Variants in LMBR1 observed in about 807,000 individuals in gnomAD.
The protein encoded by LMBR1 is limb region 1 protein homolog.
In LMBR1, 52 loss-of-function variants were observed where a neutral mutation model predicts 73.9. The ratio of observed to expected loss-of-function variants is 0.70; its 90% CI spans 0.56 to 0.89. The LOEUF is 0.89. Ranked by LOEUF, LMBR1 falls within the 40% of genes least tolerant of loss-of-function variation. LMBR1 has a pLI of 0.00. For missense variants in LMBR1, 539 were observed against 579.8 expected, an observed-to-expected ratio of 0.93 and a Z score of 0.72; for synonymous variants, 215 against 209.4, an observed-to-expected ratio of 1.03 and a Z score of -0.23.
At chr7:156,720,371 G>T (rs544300385) in intron 15 of LMBR1, among the ~76,000 whole-genome samples, 1 of 152,160 alleles carries the variant, frequency 6.6e-6, no homozygotes, top group South Asian at 2.1e-4. Context: ...ATATCAACAG[G>T]TGACTAAATT....
Position 156,683,903 on chromosome 7 carries a change from A to T in LMBR1, c.*175T>A, listed in dbSNP as rs775136759. On this transcript the variant is annotated 3_prime_UTR_variant, in exon 17 of 17. Transcript: ENST00000353442. Reference sequence around the variant, plus strand: ...CAGGGTCCATCAGAAAGTTAAATTTAAAAAAGATCAGCCATAGCCAAGTTC... The same window carrying T: ...CAGGGTCCATCAGAAAGTTAAATTTTAAAAAGATCAGCCATAGCCAAGTTC... 3.3e-6 allele frequency: 2 copies of T among 608,918 alleles called. No homozygotes were observed. The highest frequency in any genetic ancestry group is 5.8e-6 in the Non-Finnish European group (2 of 344,196). The allele number at this position is 608,918 out of a possible 1,614,324, so 37.7% of individuals were successfully genotyped here. A position where few individuals can be genotyped will look rare whatever the true frequency, so the allele number is the denominator to read the frequency against.
At chr7:156,868,004 TTA>T (rs1164792730) in intron 1 of LMBR1, among the ~76,000 whole-genome samples, 1 of 152,110 alleles carries the variant, frequency 6.6e-6, no homozygotes, top group Non-Finnish European at 1.5e-5. Context: ...CCCAGGACTT[TTA>T]GAGGCTAAGG....
chr7:156,721,608 C>G (rs1814597180), intron 15 of LMBR1, among the ~76,000 whole-genome samples: 1 of 151,994 alleles, frequency 6.6e-6, no homozygotes, highest in South Asian at 2.1e-4. Context: ...TATAAACAGG[C>G]AGCAAAACAA....
chr7:156,786,875 T>G (rs1008456445), intron 5 of LMBR1, among the ~76,000 whole-genome samples: 1 of 152,180 alleles, frequency 6.6e-6, no homozygotes. Context: ...TATCTTTATA[T>G]ATATACCCTT....
chr7:156,888,572 T>C (rs1287630597), intron 1 of LMBR1, among the ~76,000 whole-genome samples: 1 of 152,068 alleles, frequency 6.6e-6, no homozygotes, highest in Admixed American at 6.6e-5. Context: ...AATTGATGAA[T>C]GAATGGGTAA....
At position 156,785,513 on chromosome 7, in the gene LMBR1, T is replaced by C. The variant is rs1020079147; in HGVS notation, c.423+10876A>G. Among the ~76,000 whole-genome samples, 12 of 152,248 alleles carry C rather than the reference T, an allele frequency of 7.9e-5. No homozygotes were observed. The East Asian group carries it at 1.2e-3, about 15-fold the overall frequency. On this transcript the variant is annotated intron_variant, in intron 5 of 16. Coordinates refer to ENST00000353442, the MANE Select transcript of LMBR1 (RefSeq NM_022458.4). Reference sequence around the variant, plus strand: ...TATTCAGCAGTGGCTCGCAAACTTATAGGAATCATCTTGCAACCTTGAGAA... The same window carrying C: ...TATTCAGCAGTGGCTCGCAAACTTACAGGAATCATCTTGCAACCTTGAGAA...
chr7:156,676,287 TA>T (rs1220441118), downstream of LMBR1: 7 of 1,581,202 alleles, frequency 4.4e-6, no homozygotes, highest in African/African-American at 6.7e-5. Flanking sequence ...CATGTGATTT[TA>T]ACACAGAATG....
intron 2 of LMBR1, among the ~76,000 whole-genome samples, chr7:156,834,840 C>T (rs1837315549): frequency 6.6e-6 from 1 of 151,428 alleles, no homozygotes; most frequent in Non-Finnish European, 1.5e-5. Flanking sequence ...AAGAGACTGC[C>T]CAATTATAAG....
intron 4 of LMBR1, among the ~76,000 whole-genome samples, chr7:156,825,989 G>T (rs1376653295): frequency 6.6e-6 from 1 of 152,112 alleles, no homozygotes; most frequent in Non-Finnish European, 1.5e-5. Flanking sequence ...CTGTTTTTTA[G>T]TTCTTTTGAG....
intron 9 of LMBR1, among the ~76,000 whole-genome samples, chr7:156,753,232 C>T (rs1034649198): frequency 4.6e-5 from 7 of 151,754 alleles, no homozygotes; most frequent in African/African-American, 1.7e-4. Flanking sequence ...CAAATCACCA[C>T]GAAAAAGGCA....
At chr7:156,707,359 G>A (rs184837611) in intron 15 of LMBR1, among the ~76,000 whole-genome samples, 144 of 152,208 alleles carry the variant, frequency 9.5e-4, no homozygotes, top group Middle Eastern at 3.4e-3. Flanking sequence ...AAACTGAGGC[G>A]GAGGGAATTC....
intron 15 of LMBR1, among the ~76,000 whole-genome samples, chr7:156,708,371 A>G (rs1811409163): frequency 6.6e-6 from 1 of 152,252 alleles, no homozygotes; most frequent in Admixed American, 6.5e-5. Flanking sequence ...TCACTGTGGT[A>G]GCTGAAAATC....
rs763251291 is a variant in LMBR1 at position 156,734,159 on chromosome 7, A to G, written c.838+18T>C. ...AACCAAGGCCAATACACAAGTCAAG[A>G]AAAAAAAAGTACAATACCTAATTTT... On this transcript the variant is annotated intron_variant, in intron 10 of 16. Transcript: ENST00000353442. 3.4e-6 allele frequency: 5 copies of G among 1,473,584 alleles called. No individual in the cohort carries two copies. Among genetic ancestry groups the G allele is most frequent in the South Asian group, 1.3e-5 (1 of 79,718 alleles). 91.3% of individuals were successfully genotyped at this position (1,473,584 alleles called of 1,614,324 possible).
downstream of LMBR1, chr7:156,676,915 A>G: frequency 2.3e-6 from 1 of 427,812 alleles, no homozygotes; most frequent in East Asian, 4.3e-5. Flanking sequence ...GAGCTTGCTT[A>G]CTTCTAAAAA....
chr7:156,688,778 T>G (rs1806517725), intron 15 of LMBR1, among the ~76,000 whole-genome samples: 1 of 151,286 alleles, frequency 6.6e-6, no homozygotes, highest in Non-Finnish European at 1.5e-5. Flanking sequence ...ACATAGACTA[T>G]TTTTTTTTCT....
At chr7:156,773,590 G>A (rs1825595196) in intron 5 of LMBR1, among the ~76,000 whole-genome samples, 1 of 152,076 alleles carries the variant, frequency 6.6e-6, no homozygotes, top group Non-Finnish European at 1.5e-5. Context: ...ACAAAAACAA[G>A]CAAAGGGGAA....
At chr7:156,813,557 A>T (rs1024714551) in intron 4 of LMBR1, among the ~76,000 whole-genome samples, 1 of 152,192 alleles carries the variant, frequency 6.6e-6, no homozygotes, top group South Asian at 2.1e-4. Flanking sequence ...TGTGAAATAT[A>T]CGTTCTCTTC....
chr7:156,699,220 G>T (rs1338241764), intron 15 of LMBR1, among the ~76,000 whole-genome samples: 2 of 152,124 alleles, frequency 1.3e-5, no homozygotes, highest in African/African-American at 4.8e-5. Context: ...TAGATCAATG[G>T]AATAGAACAG....
chr7:156,865,923 A>G (rs1176637525), intron 1 of LMBR1, among the ~76,000 whole-genome samples: 2 of 152,224 alleles, frequency 1.3e-5, no homozygotes, highest in Middle Eastern at 3.2e-3. Flanking sequence ...TACATTATAC[A>G]CAATAATTAA....
Sources: allele counts gnomAD v4.1 joint callset (sites outside exome capture counted in the v4.1 genomes callset), GRCh38; gene constraint gnomAD v4.1.1; transcripts MANE v1.5; gene names NCBI Gene and HGNC (gene_info 2026-07-23, HGNC 2026-07-21).